RNF2: variants seen among roughly 807,000 people sequenced by gnomAD.
RNF2 encodes the protein ring finger protein 2.
Under a neutral mutation model 37.2 loss-of-function variants are expected in RNF2, and 6 were observed. The observed-to-expected ratio is 0.16, with a 90% confidence interval of 0.09 to 0.32. The LOEUF (loss-of-function observed/expected upper bound fraction) is 0.32. RNF2 is among the 10% of genes least tolerant of loss of function. The pLI is 1.00. For synonymous variants in RNF2, 133 were observed against 132.7 expected (o/e 1.00, Z -0.02); for missense variants, 251 against 404.0 (o/e 0.62, Z 3.25).
At chr1:185,046,594 G>A (rs1650130411) in intron 1 of RNF2, among the ~76,000 whole-genome samples, 1 of 152,104 alleles carries the variant, frequency 6.6e-6, no homozygotes, top group South Asian at 2.1e-4. Context: ...CGAGGCTGTC[G>A]GAAGTTTTAG....
At chr1:185,056,003 T>G (rs573171504) in intron 1 of RNF2, among the ~76,000 whole-genome samples, 2 of 152,226 alleles carry the variant, frequency 1.3e-5, no homozygotes, top group Non-Finnish European at 2.9e-5. Flanking sequence ...GGCTCTCAAA[T>G]ATTAAAGTAC....
chr1:185,048,334 T>TA (rs1378737345), intron 1 of RNF2, among the ~76,000 whole-genome samples: 1 of 152,328 alleles, frequency 6.6e-6, no homozygotes, highest in East Asian at 1.9e-4. Context: ...TTACGGTTTT[T>TA]AGACAGCTGA....
chr1:185,058,196 A>AG (rs1470466075), intron 1 of RNF2, among the ~76,000 whole-genome samples: 2 of 151,230 alleles, frequency 1.3e-5, no homozygotes, highest in Non-Finnish European at 2.9e-5. Flanking sequence ...ATATTGTATT[A>AG]GGTAGTATAG....
intron 1 of RNF2, among the ~76,000 whole-genome samples, chr1:185,067,391 T>G (rs1049463983): frequency 3.9e-5 from 6 of 152,246 alleles, no homozygotes; most frequent in Non-Finnish European, 8.8e-5. Flanking sequence ...TTGAGTAAAT[T>G]TCTAAAATAT....
intron 2 of RNF2, among the ~76,000 whole-genome samples, chr1:185,089,381 T>C (rs1245773858): frequency 6.6e-6 from 1 of 152,186 alleles, no homozygotes; most frequent in Non-Finnish European, 1.5e-5. Flanking sequence ...TGCCATTTTT[T>C]TATAAGGGAC....
chr1:185,089,184 C>G (rs781552080), intron 2 of RNF2, among the ~76,000 whole-genome samples: 1 of 152,086 alleles, frequency 6.6e-6, no homozygotes, highest in South Asian at 2.1e-4. Flanking sequence ...CGGACTCTTA[C>G]GAGAGTCTAA....
intron 1 of RNF2, among the ~76,000 whole-genome samples, chr1:185,073,692 G>C (rs904374318): frequency 1.3e-5 from 2 of 152,214 alleles, no homozygotes; most frequent in African/African-American, 4.8e-5. Flanking sequence ...ATGCAGGTAA[G>C]ACAATTACAT....
intron 1 of RNF2, among the ~76,000 whole-genome samples, chr1:185,061,760 G>A (rs898036423): frequency 1.3e-5 from 2 of 152,204 alleles, no homozygotes; most frequent in African/African-American, 4.8e-5. Context: ...TAAAGGTAGA[G>A]TATTTTCTTA....
At chr1:185,093,354 A>G (rs1651822908) in intron 4 of RNF2, 78 bp downstream of exon 4, 17 of 1,358,910 alleles carry the variant, frequency 1.3e-5, no homozygotes, top group African/African-American at 1.5e-5. Context: ...TTTTTGAAAA[A>G]GGTAAAATAC....
chr1:185,081,636 C>T (rs903184414), intron 1 of RNF2, among the ~76,000 whole-genome samples: 3 of 151,880 alleles, frequency 2.0e-5, no homozygotes, highest in African/African-American at 7.2e-5. Flanking sequence ...GTCTTGAACT[C>T]CTGACCTCAG....
chr1:185,060,554 T>C (rs561463694), intron 1 of RNF2, among the ~76,000 whole-genome samples: 56 of 152,352 alleles, frequency 3.7e-4, no homozygotes, highest in Middle Eastern at 3.4e-3. Context: ...GAATTAAAGG[T>C]AGTCCTTTAT....
intron 1 of RNF2, among the ~76,000 whole-genome samples, chr1:185,078,959 G>A (rs1381094969): frequency 6.6e-6 from 1 of 152,072 alleles, no homozygotes; most frequent in South Asian, 2.1e-4. Context: ...CAGGAGAATC[G>A]CTTGAACCCG....
At chr1:185,092,628 C>T (rs1651801279) in intron 3 of RNF2, among the ~76,000 whole-genome samples, 1 of 151,890 alleles carries the variant, frequency 6.6e-6, no homozygotes, top group Admixed American at 6.6e-5. Flanking sequence ...ACGCATAAAA[C>T]CACGATTTTT....
At chr1:185,059,036 C>T (rs1650521587) in intron 1 of RNF2, among the ~76,000 whole-genome samples, 1 of 152,118 alleles carries the variant, frequency 6.6e-6, no homozygotes, top group African/African-American at 2.4e-5. Flanking sequence ...CTTCCTCTTC[C>T]TGGTCCCTGG....
chr1:185,097,860 C>T (rs1651956425), intron 4 of RNF2, among the ~76,000 whole-genome samples: 1 of 152,186 alleles, frequency 6.6e-6, no homozygotes, highest in Non-Finnish European at 1.5e-5. Context: ...TGAATAGAAA[C>T]ATTCGTTAAA....
At chr1:185,087,120 T>A (rs1312338179) in intron 1 of RNF2, among the ~76,000 whole-genome samples, 2 of 152,244 alleles carry the variant, frequency 1.3e-5, no homozygotes, top group Admixed American at 6.5e-5. Flanking sequence ...TTCTCAAGAT[T>A]AACAATTCCT....
intron 1 of RNF2, among the ~76,000 whole-genome samples, chr1:185,064,975 G>A (rs985012562): frequency 2.6e-5 from 4 of 152,120 alleles, no homozygotes; most frequent in African/African-American, 9.7e-5. Flanking sequence ...GTGTGTATGT[G>A]TGGAGTCTTC....
intron 1 of RNF2, among the ~76,000 whole-genome samples, chr1:185,046,669 G>C (rs1650131819): frequency 6.6e-6 from 1 of 152,118 alleles, no homozygotes; most frequent in Non-Finnish European, 1.5e-5. Context: ...GCCGTGAAAA[G>C]GATATACATA....
At chr1:185,085,091 C>G (rs1651541899) in intron 1 of RNF2, among the ~76,000 whole-genome samples, 1 of 150,868 alleles carries the variant, frequency 6.6e-6, no homozygotes, top group South Asian at 2.1e-4. Flanking sequence ...TGTGTTCTCT[C>G]TCAATAAAAA....
Sources: gnomAD v4.1 joint callset for allele counts (sites outside exome capture counted in the v4.1 genomes callset) on GRCh38, gnomAD v4.1.1 for gene constraint, MANE v1.5 for transcripts, NCBI Gene and HGNC (gene_info 2026-07-23, HGNC 2026-07-21) for gene names.